RAB10: variants seen among roughly 807,000 people sequenced by gnomAD.
RAB10 encodes the protein ras-related protein Rab-10.
Under a neutral mutation model 25.7 loss-of-function variants are expected in RAB10, and 5 were observed. The observed-to-expected ratio is 0.19, with a 90% CI of 0.10 to 0.41. The LOEUF is 0.41. Among genes scored for constraint, RAB10 ranks in the 10% least tolerant of loss-of-function variants. The pLI is 1.00. For missense variants in RAB10, 103 were observed against 245.8 expected (o/e 0.42, Z 3.89); for synonymous variants, 89 against 86.4 (o/e 1.03, Z -0.16).
intron 3 of RAB10, among the ~76,000 whole-genome samples, chr2:26,110,289 G>C (rs1667542810): frequency 6.9e-6 from 1 of 144,346 alleles, no homozygotes; most frequent in Non-Finnish European, 1.5e-5. Flanking sequence ...AATGAGCCAA[G>C]ATTGCGCCAC....
intron 2 of RAB10, among the ~76,000 whole-genome samples, chr2:26,105,610 G>A (rs969001523): frequency 1.3e-5 from 2 of 152,096 alleles, no homozygotes; most frequent in Non-Finnish European, 2.9e-5. Flanking sequence ...TGCCGAGATT[G>A]TGCCACTGTA....
Position 26,063,858 on chromosome 2 carries a change from C to T in RAB10, c.127+29123C>T, listed in dbSNP as rs188032661. Among the ~76,000 whole-genome samples, 323 of 152,208 alleles carry T rather than the reference C, an allele frequency of 2.1e-3. 1 individual carries two copies. Among genetic ancestry groups the T allele is most frequent in the African/African-American group, 7.6e-3 (314 of 41,538 alleles). On this transcript the variant is annotated intron_variant, in intron 1 of 5. Coordinates refer to ENST00000264710, the MANE Select transcript of RAB10 (RefSeq NM_016131.5). Reference sequence around the variant, plus strand: ...TGTCGCCCAGGCTGGAGTGCAGTGGCGTGACCTCAGCTCGCTGCAACCTCT... The same window carrying T: ...TGTCGCCCAGGCTGGAGTGCAGTGGTGTGACCTCAGCTCGCTGCAACCTCT...
intron 2 of RAB10, among the ~76,000 whole-genome samples, chr2:26,099,572 G>A (rs532459764): frequency 2.6e-3 from 291 of 112,842 alleles, no homozygotes; most frequent in African/African-American, 0.01. Context: ...GTGGAGTCTC[G>A]CTCTGTCGCC....
intron 3 of RAB10, among the ~76,000 whole-genome samples, chr2:26,117,148 T>G (rs963216175): frequency 7.2e-5 from 11 of 152,214 alleles, no homozygotes; most frequent in African/African-American, 2.7e-4. Flanking sequence ...TTATTCAATT[T>G]TTATATGCTT....
intron 1 of RAB10, among the ~76,000 whole-genome samples, chr2:26,086,719 A>G (rs565349236): frequency 6.6e-6 from 1 of 152,388 alleles, no homozygotes; most frequent in South Asian, 2.1e-4. Context: ...AAAGGTGGAA[A>G]CAATTTAGAT....
At chr2:26,041,060 C>T (rs1327419334) in intron 1 of RAB10, among the ~76,000 whole-genome samples, 2 of 150,928 alleles carry the variant, frequency 1.3e-5, no homozygotes, top group Non-Finnish European at 2.9e-5. Context: ...CTCATGTGTG[C>T]TAAACACCTG....
Position 26,034,229 on chromosome 2 carries a change from T to C in RAB10, c.-380T>C. 2 of 434,922 alleles carry C rather than the reference T, an allele frequency of 4.6e-6. No individual in the cohort carries two copies. The highest frequency in any genetic ancestry group is 8.1e-6 in the Non-Finnish European group (2 of 245,622). The allele number at this position is 434,922 out of a possible 1,614,324, so 26.9% of individuals were successfully genotyped here. A position where few individuals can be genotyped will look rare whatever the true frequency, so the allele number is the denominator to read the frequency against. On this transcript the variant is annotated 5_prime_UTR_variant, in exon 1 of 6. Coordinates refer to ENST00000264710, the MANE Select transcript of RAB10 (RefSeq NM_016131.5). ...GCCCTCGCCGCGTGCTAGCAGGGAGTTTCCGCTCGGGAGAGAGACTGTCCT... is the reference window on the plus strand; with the variant it reads ...GCCCTCGCCGCGTGCTAGCAGGGAGCTTCCGCTCGGGAGAGAGACTGTCCT...
intron 1 of RAB10, among the ~76,000 whole-genome samples, chr2:26,074,169 A>G (rs1027184965): frequency 6.6e-5 from 10 of 152,198 alleles, no homozygotes; most frequent in Non-Finnish European, 1.5e-4. Flanking sequence ...GTCATTGGTA[A>G]TCTGAGCCTG....
intron 1 of RAB10, among the ~76,000 whole-genome samples, chr2:26,067,840 A>C (rs1666544416): frequency 6.6e-6 from 1 of 152,232 alleles, no homozygotes; most frequent in African/African-American, 2.4e-5. Context: ...ACTTTGTTAA[A>C]AATGTAAAGT....
At position 26,098,033 on chromosome 2, in the gene RAB10, A is replaced by T. The variant is rs1574550778; in HGVS notation, c.128-629A>T. Among the ~76,000 whole-genome samples the T allele has an allele frequency of 1.3e-5, 2 of 150,222 alleles. 1 individual carries two copies. The highest frequency in any genetic ancestry group is 4.2e-4 in the South Asian group (2 of 4,772). ...TTATTCGTATGTGTTAGAATATTAG[A>T]TATTTTAAATTTTACTTTCTTATAT... is the stretch of plus-strand genomic sequence containing the variant. On this transcript the variant is annotated intron_variant, in intron 1 of 5. Transcript: ENST00000264710.
intron 1 of RAB10, among the ~76,000 whole-genome samples, chr2:26,064,741 C>G (rs544627192): frequency 7.2e-5 from 11 of 152,318 alleles, no homozygotes; most frequent in African/African-American, 2.6e-4. Context: ...CACCCTCTTT[C>G]TCTTTCAAGA....
chr2:26,041,466 C>T (rs1665883202), intron 1 of RAB10, among the ~76,000 whole-genome samples: 1 of 149,156 alleles, frequency 6.7e-6, no homozygotes, highest in Non-Finnish European at 1.5e-5. Context: ...TTGCTTAAAC[C>T]CGGGAGGCGG....
rs753457021 is a variant in RAB10 at position 26,127,927 on chromosome 2, G to A, written c.495G>A (p.Thr165=). 20 of 1,605,188 alleles carry A rather than the reference G, an allele frequency of 1.2e-5. 1 individual carries two copies. Among genetic ancestry groups the A allele is most frequent in the South Asian group, 5.5e-5 (5 of 90,876 alleles). The change falls in exon 5 of 6, where the codon ACG becomes ACA. Residue 165 remains threonine, a synonymous_variant. Transcript: ENST00000264710. ...TAAACATCGAAAAGGCGTTCCTCACGTTAGCTGAAGATATCCTTCGAAAGG... is the reference window on the plus strand; with the variant it reads ...TAAACATCGAAAAGGCGTTCCTCACATTAGCTGAAGATATCCTTCGAAAGG... The part of the protein sequence containing the change: ...ANINIEKAFL[T]LAEDILRKTP...
intron 1 of RAB10, among the ~76,000 whole-genome samples, chr2:26,052,564 A>C (rs1345049891): frequency 6.7e-6 from 1 of 150,274 alleles, no homozygotes; most frequent in Admixed American, 6.7e-5. Flanking sequence ...CCAGAGAAAG[A>C]CTCAGATCAC....
intron 1 of RAB10, among the ~76,000 whole-genome samples, chr2:26,047,838 C>T (rs1293114051): frequency 6.6e-6 from 1 of 151,290 alleles, no homozygotes; most frequent in Non-Finnish European, 1.5e-5. Context: ...ATTCTCCTGC[C>T]ACAGCCTCCC....
At chr2:26,117,432 T>C (rs999920273) in intron 3 of RAB10, among the ~76,000 whole-genome samples, 1 of 151,642 alleles carries the variant, frequency 6.6e-6, no homozygotes, top group Non-Finnish European at 1.5e-5. Context: ...GCTAACACGG[T>C]GAAACCCCGT....
chr2:26,038,132 C>G (rs1028580534), intron 1 of RAB10, among the ~76,000 whole-genome samples: 2 of 150,656 alleles, frequency 1.3e-5, no homozygotes, highest in African/African-American at 2.4e-5. Context: ...GTGATCTGCC[C>G]GCCTCAGCGT....
In RAB10 at chr2:26,051,973, C is replaced by T. The variant is rs567585071; in HGVS notation, c.127+17238C>T. On this transcript the variant is annotated intron_variant, in intron 1 of 5. Transcript: ENST00000264710. ...TCAGGAGGCTGAGTCAGGAGAATCA[C>T]TTGAACCCGGGAGGCGGAGGTTGCA... is the stretch of plus-strand genomic sequence containing the variant. Among the ~76,000 whole-genome samples the T allele has an allele frequency of 2.1e-3, 326 of 151,850 alleles. 1 individual carries two copies. The highest frequency in any genetic ancestry group is 6.8e-3 in the Middle Eastern group (2 of 294).
At chr2:26,133,010 C>CA (rs943747188) in intron 5 of RAB10, among the ~76,000 whole-genome samples, 8 of 152,170 alleles carry the variant, frequency 5.3e-5, no homozygotes, top group Admixed American at 2.0e-4. Context: ...GGAAACCCCA[C>CA]AGAGGTCTTT....
Sources: gnomAD v4.1 joint callset for allele counts (sites outside exome capture counted in the v4.1 genomes callset) on GRCh38, gnomAD v4.1.1 for gene constraint, MANE v1.5 for transcripts, NCBI Gene and HGNC (gene_info 2026-07-23, HGNC 2026-07-21) for gene names.